Variants in NCALD observed in about 807,000 individuals in gnomAD.
NCALD encodes the protein neurocalcin-delta.
NCALD carries 10 observed loss-of-function variants against 18.6 expected under a neutral mutation model. The ratio of observed to expected loss-of-function variants is 0.54; its 90% CI spans 0.33 to 0.91. NCALD has a LOEUF of 0.91. NCALD is among the 40% of genes least tolerant of loss of function. NCALD has a pLI of 0.03. For synonymous variants in NCALD, 88 were observed against 87.4 expected, an observed-to-expected ratio of 1.01 and a Z score of -0.04; for missense variants, 184 against 247.6, an observed-to-expected ratio of 0.74 and a Z score of 1.72.
At chr8:101,907,289 T>G (rs1817641631) in intron 3 of NCALD, among the ~76,000 whole-genome samples, 1 of 152,192 alleles carries the variant, frequency 6.6e-6, no homozygotes, top group Non-Finnish European at 1.5e-5. Flanking sequence ...AATGTTCCCT[T>G]TGGACTAAAT....
intron 1 of NCALD, among the ~76,000 whole-genome samples, chr8:101,772,456 G>A (rs1359332479): frequency 1.3e-5 from 2 of 152,118 alleles, no homozygotes; most frequent in African/African-American, 4.8e-5. Flanking sequence ...TTGGACTTCA[G>A]GGAACCCCTT....
intron 2 of NCALD, among the ~76,000 whole-genome samples, chr8:101,997,125 ATTAAGCTCAT>A (rs1821267506): frequency 6.6e-6 from 1 of 152,226 alleles, no homozygotes; most frequent in South Asian, 2.1e-4. Flanking sequence ...CAAAATTTCC[ATTAAGCTCAT>A]TTAAGCTCTG....
Position 102,120,563 on chromosome 8 carries a change from G to A in NCALD, c.-210+3674C>T, listed in dbSNP as rs767239958. On this transcript the variant is annotated intron_variant, in intron 1 of 6. Transcript: ENST00000311028. ...AATGGTGCCGACTCCATGAAAGCAA[G>A]CTGAGAAAAATAGAGAAATGAGGTC... 9.2e-5 allele frequency among the ~76,000 whole-genome samples: 14 copies of A among 152,190 alleles called. No homozygotes were observed. The East Asian group carries it at 2.7e-3, about 29-fold the overall frequency.
intron 1 of NCALD, among the ~76,000 whole-genome samples, chr8:102,037,653 TTG>T (rs1554583782): frequency 1.7e-4 from 25 of 146,228 alleles, no homozygotes; most frequent in African/African-American, 3.3e-4. Context: ...AATTTTTTTT[TTG>T]ATTAACATAT....
At chr8:101,946,117 G>T (rs746814172) in intron 2 of NCALD, among the ~76,000 whole-genome samples, 1 of 152,030 alleles carries the variant, frequency 6.6e-6, no homozygotes, top group Non-Finnish European at 1.5e-5. Context: ...GCAAAGCTCC[G>T]TCTTCAGTTT....
chr8:101,825,910 G>A (rs1813917729), intron 4 of NCALD, among the ~76,000 whole-genome samples: 1 of 152,194 alleles, frequency 6.6e-6, no homozygotes, highest in Non-Finnish European at 1.5e-5. Context: ...ACAGGAGGCA[G>A]GCTGGATTTC....
At chr8:101,941,695 C>T (rs1035092167) in intron 2 of NCALD, among the ~76,000 whole-genome samples, 1 of 152,074 alleles carries the variant, frequency 6.6e-6, no homozygotes, top group Non-Finnish European at 1.5e-5. Context: ...TAGGCACCTG[C>T]AAAAATGTTT....
intron 1 of NCALD, among the ~76,000 whole-genome samples, chr8:102,106,543 T>A (rs1292858634): frequency 6.6e-6 from 1 of 151,364 alleles, no homozygotes; most frequent in Non-Finnish European, 1.5e-5. Flanking sequence ...TGTGGACACA[T>A]CCCTGTTCTC....
At chr8:101,862,073 T>G (rs566392) in intron 4 of NCALD, among the ~76,000 whole-genome samples, 40,609 of 152,132 alleles carry the variant, frequency 0.27, 5,848 homozygotes, top group East Asian at 0.38. Context: ...TAAACAAGAC[T>G]GTTGCATTCC....
At chr8:102,078,800 A>G (rs1824431554) in intron 1 of NCALD, among the ~76,000 whole-genome samples, 1 of 152,172 alleles carries the variant, frequency 6.6e-6, no homozygotes, top group African/African-American at 2.4e-5. Flanking sequence ...TTTATTTTGC[A>G]TTCACTCATC....
intron 1 of NCALD, among the ~76,000 whole-genome samples, chr8:101,788,151 A>G (rs905322134): frequency 1.1e-4 from 16 of 152,226 alleles, no homozygotes; most frequent in Non-Finnish European, 1.6e-4. Context: ...CTCGAAGAAT[A>G]AAATCCGATG....
chr8:101,896,394 C>T (rs1563871453), intron 3 of NCALD, among the ~76,000 whole-genome samples: 1 of 152,106 alleles, frequency 6.6e-6, no homozygotes, highest in Non-Finnish European at 1.5e-5. Flanking sequence ...AAACGTTAGA[C>T]CTAAAACCAT....
Position 102,008,917 on chromosome 8 carries a change from TACACACACACACACACAC to T in NCALD, c.-157+11302_-157+11319del, listed in dbSNP as rs761346653. On this transcript the variant is annotated intron_variant, in intron 2 of 6. Coordinates refer to the NCALD transcript ENST00000311028. ...ACCCCCACCTCCACCCCCGCCCCCC[TACACACACACACACACAC>T]ACACACACACACACACACACACACA... Among the ~76,000 whole-genome samples, 46 of 38,540 alleles carry T rather than the reference TACACACACACACACACAC, an allele frequency of 1.2e-3. 1 individual carries two copies. In the Middle Eastern group the frequency reaches 0.083, roughly 70 times the overall value. 25.3% of individuals were successfully genotyped at this position (38,540 alleles called of 152,430 possible).
At position 101,692,911 on chromosome 8, in the gene NCALD, G is replaced by A. The variant is rs746630284; in HGVS notation, c.379-15C>T. The A allele has an allele frequency of 2.0e-5, 32 of 1,577,194 alleles. No individual in the cohort carries two copies. The highest frequency in any genetic ancestry group is 2.0e-5 in the Non-Finnish European group (23 of 1,146,712). ...TTATAGATTGCCTGGGGACAGAAGC[G>A]ACATGGTGGTAAGACAGAAAAACAG... On this transcript the variant is annotated splice_polypyrimidine_tract_variant and intron_variant, in intron 2 of 3. Transcript: ENST00000220931.
chr8:101,850,221 C>T (rs1368673902), intron 4 of NCALD, among the ~76,000 whole-genome samples: 1 of 152,160 alleles, frequency 6.6e-6, no homozygotes, highest in Non-Finnish European at 1.5e-5. Context: ...TCTGGGATTG[C>T]CTCTCTCAGC....
chr8:102,062,773 T>C (rs1823888652), intron 1 of NCALD, among the ~76,000 whole-genome samples: 1 of 151,920 alleles, frequency 6.6e-6, no homozygotes, highest in Non-Finnish European at 1.5e-5. Context: ...AAGAGAGGAG[T>C]ACAAGGGGCC....
chr8:102,074,377 T>C (rs1342802570), intron 1 of NCALD, among the ~76,000 whole-genome samples: 4 of 152,194 alleles, frequency 2.6e-5, no homozygotes, highest in African/African-American at 9.7e-5. Context: ...CTGGTATCTG[T>C]GGGTTGCTTC....
At chr8:101,999,048 A>C (rs1466538047) in intron 2 of NCALD, among the ~76,000 whole-genome samples, 4 of 150,292 alleles carry the variant, frequency 2.7e-5, no homozygotes, top group Non-Finnish European at 4.4e-5. Flanking sequence ...AGGGGGAAAA[A>C]ATCATACCCA....
intron 2 of NCALD, among the ~76,000 whole-genome samples, chr8:102,012,079 G>A (rs1416803141): frequency 1.3e-5 from 2 of 152,132 alleles, no homozygotes; most frequent in South Asian, 2.1e-4. Context: ...ACATTGCCCC[G>A]AAGGAGTCCT....
Sources: gnomAD v4.1 joint callset for allele counts (sites outside exome capture counted in the v4.1 genomes callset) on GRCh38, gnomAD v4.1.1 for gene constraint, MANE v1.5 for transcripts, NCBI Gene and HGNC (gene_info 2026-07-23, HGNC 2026-07-21) for gene names.